KCNH7: variants seen among roughly 807,000 people sequenced by gnomAD.
The protein encoded by KCNH7 is voltage-gated inwardly rectifying potassium channel KCNH7.
KCNH7 carries 49 observed loss-of-function variants against 120.8 expected under a neutral mutation model. The observed-to-expected ratio is 0.41, with a 90% CI of 0.32 to 0.51. The LOEUF (loss-of-function observed/expected upper bound fraction) is 0.51, where lower values mean the gene tolerates loss of function less well. KCNH7 is among the 20% of genes least tolerant of loss of function. The probability of loss-of-function intolerance (pLI) is 0.38; values close to 1 mark genes in which losing one functional copy is unlikely to be tolerated. For synonymous variants in KCNH7, 547 were observed against 516.1 expected, an observed-to-expected ratio of 1.06 and a Z score of -0.81; for missense variants, 1,097 against 1,446.6, an observed-to-expected ratio of 0.76 and a Z score of 3.92.
At chr2:162,426,051 A>G (rs1313180656) in intron 8 of KCNH7, among the ~76,000 whole-genome samples, 1 of 151,774 alleles carries the variant, frequency 6.6e-6, no homozygotes, top group Non-Finnish European at 1.5e-5. Context: ...CCATCTCTAC[A>G]ACAAATACAA....
chr2:162,545,668 A>T (rs188111294), intron 2 of KCNH7, among the ~76,000 whole-genome samples: 72 of 152,320 alleles, frequency 4.7e-4, no homozygotes, highest in Admixed American at 4.4e-3. Context: ...TTAAAAGATT[A>T]TTGCTAAATA....
chr2:162,573,949 G>A (rs1415647763), intron 2 of KCNH7, among the ~76,000 whole-genome samples: 1 of 151,838 alleles, frequency 6.6e-6, no homozygotes, highest in Non-Finnish European at 1.5e-5. Context: ...TAAAAATCAC[G>A]AATATGTTAT....
At chr2:162,604,094 GTTCTGT>G (rs1559040005) in intron 2 of KCNH7, among the ~76,000 whole-genome samples, 1 of 152,002 alleles carries the variant, frequency 6.6e-6, no homozygotes, top group Non-Finnish European at 1.5e-5. Context: ...GCTAGAGAAA[GTTCTGT>G]TTTATACTAG....
intron 2 of KCNH7, among the ~76,000 whole-genome samples, chr2:162,547,436 G>A (rs570475921): frequency 2.6e-5 from 4 of 152,234 alleles, no homozygotes; most frequent in East Asian, 3.9e-4. Context: ...TTCTCAAGAC[G>A]ACTAATTTTA....
At chr2:162,742,541 C>A (rs560886899) in intron 2 of KCNH7, among the ~76,000 whole-genome samples, 1 of 152,108 alleles carries the variant, frequency 6.6e-6, no homozygotes, top group South Asian at 2.1e-4. Flanking sequence ...TTTATATTTT[C>A]TTTTTTCTCT....
intron 2 of KCNH7, among the ~76,000 whole-genome samples, chr2:162,611,717 C>T (rs1459560516): frequency 1.3e-5 from 2 of 152,134 alleles, no homozygotes; most frequent in Non-Finnish European, 2.9e-5. Flanking sequence ...GTTAAACCTG[C>T]AATTTTACCT....
At chr2:162,823,360 CAT>C (rs1419005979) in intron 2 of KCNH7, among the ~76,000 whole-genome samples, 1 of 152,124 alleles carries the variant, frequency 6.6e-6, no homozygotes, top group Non-Finnish European at 1.5e-5. Flanking sequence ...TACAGAATTT[CAT>C]ATGTTGCCAC....
At chr2:162,757,095 T>C (rs1688812679) in intron 2 of KCNH7, among the ~76,000 whole-genome samples, 1 of 152,204 alleles carries the variant, frequency 6.6e-6, no homozygotes, top group African/African-American at 2.4e-5. Context: ...ATATTTTTTC[T>C]ATGTTTAATT....
chr2:162,485,490 C>T (rs901583202), intron 6 of KCNH7, among the ~76,000 whole-genome samples: 1 of 152,160 alleles, frequency 6.6e-6, no homozygotes, highest in African/African-American at 2.4e-5. Context: ...ACTGAACTCT[C>T]ATACTTGCAG....
intron 2 of KCNH7, among the ~76,000 whole-genome samples, chr2:162,832,648 C>T (rs1573944315): frequency 6.6e-6 from 1 of 152,172 alleles, no homozygotes; most frequent in South Asian, 2.1e-4. Context: ...GTCCTGGAAG[C>T]AGAGATCAGG....
At position 162,437,214 on chromosome 2, in the gene KCNH7, A is replaced by G. The variant is rs554301405; in HGVS notation, c.1555-1617T>C. Among the ~76,000 whole-genome samples the G allele has an allele frequency of 4.6e-5, 7 of 152,222 alleles. No individual in the cohort carries two copies. In the South Asian group the frequency reaches 1.5e-3, roughly 32 times the overall value. On this transcript the variant is annotated intron_variant, in intron 7 of 15. Coordinates refer to ENST00000332142, the MANE Select transcript of KCNH7 (RefSeq NM_033272.4). ...AAAGGGGATCCCTTAGTCTCCCCTGAATTATTCTCTGTTAGTATTGGAACC... is the reference window on the plus strand; with the variant it reads ...AAAGGGGATCCCTTAGTCTCCCCTGGATTATTCTCTGTTAGTATTGGAACC...
rs377158262 is a variant in KCNH7 at position 162,410,014 on chromosome 2, T to C, written c.2155-9573A>G. ...AAAATGACCACACGGCCCAAAGCAATGTACAGATTCAATGCCATTCCTGTC... is the reference window on the plus strand; with the variant it reads ...AAAATGACCACACGGCCCAAAGCAACGTACAGATTCAATGCCATTCCTGTC... On this transcript the variant is annotated intron_variant, in intron 9 of 15. Coordinates refer to ENST00000332142, the MANE Select transcript of KCNH7 (RefSeq NM_033272.4). Among the ~76,000 whole-genome samples, 4 of 152,124 alleles carry C rather than the reference T, an allele frequency of 2.6e-5. 1 individual carries two copies. The highest frequency in any genetic ancestry group is 4.1e-4 in the South Asian group (2 of 4,822).
intron 2 of KCNH7, among the ~76,000 whole-genome samples, chr2:162,681,013 A>G (rs548462404): frequency 6.6e-6 from 1 of 151,936 alleles, no homozygotes; most frequent in African/African-American, 2.4e-5. Context: ...CAATTTTTAG[A>G]AAACTTAAGG....
chr2:162,675,749 G>A (rs1396570009), intron 2 of KCNH7, among the ~76,000 whole-genome samples: 1 of 151,474 alleles, frequency 6.6e-6, no homozygotes, highest in Non-Finnish European at 1.5e-5. Flanking sequence ...ACATCAGGTA[G>A]GGAGGACTAC....
chr2:162,450,887 A>C (rs1558951848), intron 6 of KCNH7, among the ~76,000 whole-genome samples: 1 of 152,016 alleles, frequency 6.6e-6, no homozygotes, highest in Non-Finnish European at 1.5e-5. Context: ...ACTAGGAACC[A>C]GGTGGCAGAA....
chr2:162,690,404 T>C (rs1686060285), intron 2 of KCNH7, among the ~76,000 whole-genome samples: 1 of 152,120 alleles, frequency 6.6e-6, no homozygotes, highest in Non-Finnish European at 1.5e-5. Context: ...AAGTTTTTAG[T>C]GCCTTTCAGG....
intron 2 of KCNH7, among the ~76,000 whole-genome samples, chr2:162,589,408 T>C (rs1202503478): frequency 6.6e-6 from 1 of 151,908 alleles, no homozygotes; most frequent in East Asian, 1.9e-4. Flanking sequence ...TTTGTGTTTG[T>C]GTGTGTGTGT....
chr2:162,729,694 T>G (rs1360240968), intron 2 of KCNH7, among the ~76,000 whole-genome samples: 1 of 152,222 alleles, frequency 6.6e-6, no homozygotes, highest in Non-Finnish European at 1.5e-5. Flanking sequence ...TGGACATTCT[T>G]GCTTTATTTT....
At chr2:162,407,733 G>A (rs924810695) in intron 9 of KCNH7, among the ~76,000 whole-genome samples, 1 of 151,908 alleles carries the variant, frequency 6.6e-6, no homozygotes, top group Non-Finnish European at 1.5e-5. Context: ...GTGGGGGAAG[G>A]GATGAACAGA....
Sources: gnomAD v4.1 joint callset for allele counts (sites outside exome capture counted in the v4.1 genomes callset) on GRCh38, gnomAD v4.1.1 for gene constraint, MANE v1.5 for transcripts, NCBI Gene and HGNC (gene_info 2026-07-23, HGNC 2026-07-21) for gene names.